The following MBNL2 variants were observed in gnomAD, a reference collection of about 807,000 sequenced individuals.
MBNL2 encodes the protein muscleblind-like protein 2.
MBNL2 carries 17 observed loss-of-function variants against 41.9 expected under a neutral mutation model. That is an observed-to-expected ratio of 0.41 (90% confidence interval 0.28 to 0.61). The LOEUF (loss-of-function observed/expected upper bound fraction) is 0.61. MBNL2 is among the 20% of genes least tolerant of loss of function. MBNL2 has a pLI of 0.35. For synonymous variants in MBNL2, 195 were observed against 182.9 expected (o/e 1.07, Z -0.53); for missense variants, 336 against 505.6 (o/e 0.66, Z 3.22).
At chr13:97,267,119 A>G (rs1273203685) in intron 1 of MBNL2, among the ~76,000 whole-genome samples, 1 of 152,188 alleles carries the variant, frequency 6.6e-6, no homozygotes, top group Non-Finnish European at 1.5e-5. Context: ...CTAGAAAGCA[A>G]TGGCACGGAG....
At position 97,393,218 on chromosome 13, in the gene MBNL2, A is replaced by G. The variant is rs1211442280; in HGVS notation, c.*1769A>G. On this transcript the variant is annotated 3_prime_UTR_variant, in exon 9 of 9. Transcript: ENST00000679496. The stretch of plus-strand genomic sequence containing the variant: ...TGATATTTGTAATTTTCTCAACTAT[A>G]ACAATGTAGTTACGCTACAACTTGC... 6.6e-6 allele frequency: 1 copy of G among 152,462 alleles called. No individual in the cohort carries two copies. The highest frequency in any genetic ancestry group is 1.5e-5 in the Non-Finnish European group (1 of 67,906). The allele number at this position is 152,462 out of a possible 1,614,324, so 9.4% of individuals were successfully genotyped here.
intron 8 of MBNL2, among the ~76,000 whole-genome samples, chr13:97,377,617 G>A (rs1345133112): frequency 6.6e-6 from 1 of 152,046 alleles, no homozygotes; most frequent in Non-Finnish European, 1.5e-5. Flanking sequence ...ATTTGTCATT[G>A]TTATACTGAA....
At chr13:97,180,596 G>A in the MBNL2 span, among the ~76,000 whole-genome samples, 1 of 151,846 alleles carries the variant, frequency 6.6e-6, no homozygotes, top group Non-Finnish European at 1.5e-5. Flanking sequence ...CTAGCTGGGT[G>A]TGGTGCATGG....
At chr13:97,149,142 G>C in the MBNL2 span, among the ~76,000 whole-genome samples, 1 of 152,262 alleles carries the variant, frequency 6.6e-6, no homozygotes, top group East Asian at 1.9e-4. Context: ...AAAACAGAGG[G>C]GAGAGAAAGT....
intron 1 of MBNL2, among the ~76,000 whole-genome samples, chr13:97,260,066 T>A (rs1054020875): frequency 6.6e-6 from 1 of 152,208 alleles, no homozygotes; most frequent in Non-Finnish European, 1.5e-5. Flanking sequence ...GAGTGTTAAA[T>A]AATGATAAGG....
At position 97,366,461 on chromosome 13, in the gene MBNL2, C is replaced by T; in HGVS notation, c.1048+1290C>T. On this transcript the variant is annotated intron_variant, in intron 8 of 8. Coordinates refer to ENST00000679496, the MANE Select transcript of MBNL2 (RefSeq NM_001382683.1). The surrounding 1 kb of genome is among the most constrained non-coding windows in gnomAD (Gnocchi z 4.7). ...TCCCATGGTTCCCCTCCTGAAAGTACCCATGATGCACAGCGCTACGTCCGC... is the reference window on the plus strand; with the variant it reads ...TCCCATGGTTCCCCTCCTGAAAGTATCCATGATGCACAGCGCTACGTCCGC... The T allele has an allele frequency of 1.3e-6, 2 of 1,555,090 alleles. No individual in the cohort carries two copies. The highest frequency in any genetic ancestry group is 8.9e-7 in the Non-Finnish European group (1 of 1,127,430).
At chr13:97,142,627 G>A in the MBNL2 span, among the ~76,000 whole-genome samples, 3 of 152,178 alleles carry the variant, frequency 2.0e-5, no homozygotes, top group Non-Finnish European at 2.9e-5. Context: ...GGTCATGCAC[G>A]CCTCCACGGC....
chr13:97,192,845 G>A, the MBNL2 span, among the ~76,000 whole-genome samples: 1 of 152,342 alleles, frequency 6.6e-6, no homozygotes, highest in South Asian at 2.1e-4. Flanking sequence ...AAGTCAAGGT[G>A]TGTATGGATG....
chr13:97,296,892 A>G (rs1463324976), intron 2 of MBNL2, among the ~76,000 whole-genome samples: 1 of 152,174 alleles, frequency 6.6e-6, no homozygotes, highest in Non-Finnish European at 1.5e-5. Flanking sequence ...TCCTATCTAA[A>G]TGGTTGAACA....
chr13:97,240,526 T>A (rs796349899), intron 1 of MBNL2, among the ~76,000 whole-genome samples: 11 of 152,310 alleles, frequency 7.2e-5, no homozygotes, highest in African/African-American at 2.6e-4. Flanking sequence ...CAATGAATGC[T>A]ATAGACCCTC....
chr13:97,212,212 C>T, the MBNL2 span, among the ~76,000 whole-genome samples: 2 of 152,132 alleles, frequency 1.3e-5, no homozygotes, highest in Non-Finnish European at 2.9e-5. Flanking sequence ...GAAGTCCCTC[C>T]CACATGAACG....
the MBNL2 span, among the ~76,000 whole-genome samples, chr13:97,171,254 A>G: frequency 5.4e-4 from 82 of 152,314 alleles, 4 homozygotes; most frequent in South Asian, 0.014. Flanking sequence ...ATTCTCATAT[A>G]TAAGGCAAGT....
At chr13:97,325,260 C>G (rs1272553093) in intron 2 of MBNL2, among the ~76,000 whole-genome samples, 1 of 152,102 alleles carries the variant, frequency 6.6e-6, no homozygotes, top group Non-Finnish European at 1.5e-5. Flanking sequence ...TATTTTTAGT[C>G]TCACTGATTT....
At chr13:97,252,442 A>G (rs1322850557) in intron 1 of MBNL2, among the ~76,000 whole-genome samples, 1 of 152,196 alleles carries the variant, frequency 6.6e-6, no homozygotes, top group Non-Finnish European at 1.5e-5. Flanking sequence ...AGGTTTTATT[A>G]AAATAGGATT....
chr13:97,386,621 T>C (rs776508105), intron 8 of MBNL2, among the ~76,000 whole-genome samples: 3 of 152,222 alleles, frequency 2.0e-5, no homozygotes, highest in Non-Finnish European at 4.4e-5. Context: ...CTGAGGACAC[T>C]ATAATTATTA....
rs201039654 is a variant in MBNL2 at position 97,347,028 on chromosome 13, G to C, written c.765G>C (p.Ala255=). 2 of 1,611,712 alleles carry C rather than the reference G, an allele frequency of 1.2e-6. No homozygotes were observed. The highest frequency in any genetic ancestry group is 2.7e-5 in the African/African-American group (2 of 74,852). ...KAAQHQANQA[A]VAAQAAAAAA... ...CGCAGCACCAAGCCAACCAAGCTGC[G>C]GTGGCCGCCCAGGCAGCCGCGGCCG... The change falls in exon 5 of 9, where the codon GCG becomes GCC. Residue 255 remains alanine, a synonymous_variant. Coordinates refer to ENST00000679496, the MANE Select transcript of MBNL2 (RefSeq NM_001382683.1).
the MBNL2 span, among the ~76,000 whole-genome samples, chr13:97,193,705 G>T: frequency 2.0e-5 from 3 of 152,332 alleles, no homozygotes; most frequent in East Asian, 3.9e-4. Flanking sequence ...TCAGCATGTG[G>T]CAGTTGTCTG....
intron 1 of MBNL2, among the ~76,000 whole-genome samples, chr13:97,253,626 T>C (rs1474986254): frequency 1.3e-5 from 2 of 152,194 alleles, no homozygotes; most frequent in African/African-American, 2.4e-5. Flanking sequence ...TTGGGAAGAA[T>C]GCAGGAAAAT....
intron 5 of MBNL2, among the ~76,000 whole-genome samples, chr13:97,349,673 G>A (rs1338510971): frequency 1.3e-5 from 2 of 152,146 alleles, no homozygotes; most frequent in African/African-American, 4.8e-5. Context: ...GACCACAGGT[G>A]CATGCCACCA....
Sources: allele counts gnomAD v4.1 joint callset (sites outside exome capture counted in the v4.1 genomes callset), GRCh38; gene constraint gnomAD v4.1.1; non-coding constraint Gnocchi (gnomAD v3.1); transcripts MANE v1.5; gene names NCBI Gene and HGNC (gene_info 2026-07-23, HGNC 2026-07-21).